The following NASP variants were observed in gnomAD, a reference collection of about 807,000 sequenced individuals.
The protein encoded by NASP is nuclear autoantigenic sperm protein.
NASP carries 24 observed loss-of-function variants against 89.5 expected under a neutral mutation model. The ratio of observed to expected loss-of-function variants is 0.27; its 90% CI spans 0.19 to 0.38. The LOEUF is 0.38. Ranked by LOEUF, NASP falls within the 10% of genes least tolerant of loss-of-function variation. The pLI is 1.00. For synonymous variants in NASP, 306 were observed against 324.7 expected (o/e 0.94, Z 0.62); for missense variants, 848 against 921.4 (o/e 0.92, Z 1.03).
rs370458333 is a variant in NASP, at chr1:45,607,316, T to C, written c.410-5T>C. The C allele has an allele frequency of 1.9e-6, 3 of 1,613,134 alleles. No homozygotes were observed. The highest frequency in any genetic ancestry group is 1.7e-6 in the Non-Finnish European group (2 of 1,179,632). The stretch of plus-strand genomic sequence containing the variant: ...GTTTATGCTTCATGTTCTTTAACCA[T>C]GTAGAGGAAGCAAGGGAAGAGTTGA... On this transcript the variant is annotated splice_polypyrimidine_tract_variant and splice_region_variant and intron_variant, in intron 5 of 14. Coordinates refer to ENST00000350030, the MANE Select transcript of NASP (RefSeq NM_002482.4).
chr1:45,586,298 T>TGTGTGTGTGTGTGTGTGTGTGTG (rs1644547744), intron 1 of NASP, among the ~76,000 whole-genome samples: 5 of 96,672 alleles, frequency 5.2e-5, no homozygotes, highest in East Asian at 2.9e-4. Context: ...TGTGTGTGTG[T>TGTGTGTGTGTGTGTGTGTGTGTG]GTGTGTGTGT....
At chr1:45,590,201 T>TAGTTCACCCTCTTTTCTATTTGTCTA (rs1643497704) in intron 1 of NASP, among the ~76,000 whole-genome samples, 2 of 152,120 alleles carry the variant, frequency 1.3e-5, no homozygotes, top group Non-Finnish European at 2.9e-5. Context: ...AGTACTGCCT[T>TAGTTCACCCTCTTTTCTATTTGTCTA]AGTTCACCCT....
Position 45,608,057 on chromosome 1 carries a change from A to G in NASP, c.1146A>G (p.Gly382=). 1 of 1,614,004 alleles carries G rather than the reference A, an allele frequency of 6.2e-7. No homozygotes were observed. Among genetic ancestry groups the G allele is most frequent in the Non-Finnish European group, 8.5e-7 (1 of 1,179,896 alleles). ...PVLPKDGAVN[G]PSVVGDQTPI... The stretch of plus-strand genomic sequence containing the variant: ...TCCCTAAGGATGGTGCAGTCAATGG[A>G]CCGTCAGTTGTAGGAGATCAGACTC... The change falls in exon 6 of 15, where the codon GGA becomes GGG. Residue 382 remains glycine, a synonymous_variant. Coordinates refer to ENST00000350030, the MANE Select transcript of NASP (RefSeq NM_002482.4).
chr1:45,593,879 A>AT (rs1643618808), intron 2 of NASP, among the ~76,000 whole-genome samples: 1 of 151,146 alleles, frequency 6.6e-6, no homozygotes, highest in African/African-American at 2.4e-5. Flanking sequence ...TTTTTTTTTA[A>AT]TTAACTGTTC....
chr1:45,588,847 G>T (rs2148328569), intron 1 of NASP: 1 of 246,472 alleles, frequency 4.1e-6, no homozygotes, highest in East Asian at 1.5e-4. Flanking sequence ...AACCCGGGAG[G>T]CGGAGCTTGC....
intron 3 of NASP, among the ~76,000 whole-genome samples, chr1:45,602,987 C>T (rs1643871217): frequency 1.3e-5 from 2 of 152,134 alleles, no homozygotes; most frequent in Admixed American, 1.3e-4. Context: ...TCTTTAGGTC[C>T]AAGCAAGTCA....
intron 2 of NASP, among the ~76,000 whole-genome samples, chr1:45,601,356 A>G (rs189043841): frequency 8.5e-5 from 13 of 152,334 alleles, no homozygotes; most frequent in African/African-American, 3.1e-4. Flanking sequence ...TGTATGAGAT[A>G]TGAGATAACA....
At position 45,615,382 on chromosome 1, in the gene NASP, C is replaced by T. The variant is rs369467604; in HGVS notation, c.1933C>T (p.Leu645=). Residue 645 remains leucine, a synonymous_variant, in exon 11 of 15, where the codon CTG becomes TTG. Coordinates refer to ENST00000350030, the MANE Select transcript of NASP (RefSeq NM_002482.4). ...GAAAGAAATTGAGGAACTAAAGGAA[C>T]TGCTACCCGAAATTAGAGAGAAGAT... ...YKKEIEELKE[L]LPEIREKIED... 1.2e-4 allele frequency: 201 copies of T among 1,614,092 alleles called. No homozygotes were observed. The highest frequency in any genetic ancestry group is 6.7e-5 in the Non-Finnish European group (79 of 1,180,032).
chr1:45,588,374 G>A (rs1570946115), intron 1 of NASP, among the ~76,000 whole-genome samples: 1 of 152,196 alleles, frequency 6.6e-6, no homozygotes, highest in East Asian at 2.0e-4. Flanking sequence ...AAAGTTCTGG[G>A]ATTATAGGCG....
chr1:45,608,494 TAGTC>T, intron 6 of NASP, 157 bp downstream of exon 6: 1 of 721,508 alleles, frequency 1.4e-6, no homozygotes, highest in South Asian at 1.9e-5. Flanking sequence ...AAGGTCGTGA[TAGTC>T]AAGTAAGTTC....
intron 3 of NASP, among the ~76,000 whole-genome samples, chr1:45,603,605 A>ATTTTTT (rs10646791): frequency 1.7e-5 from 2 of 119,026 alleles, no homozygotes; most frequent in African/African-American, 3.3e-5. Flanking sequence ...GTATTTAGAG[A>ATTTTTT]TTTTTTTTTT....
chr1:45,585,229 C>G (rs139729088), intron 1 of NASP, among the ~76,000 whole-genome samples: 3 of 152,292 alleles, frequency 2.0e-5, no homozygotes, highest in African/African-American at 7.2e-5. Context: ...ATTTCCCAAT[C>G]TTGCCATATT....
chr1:45,618,289 T>A lies in NASP; in HGVS notation c.*148T>A. 1.5e-6 allele frequency: 1 copy of A among 652,640 alleles called. No homozygotes were observed. Among genetic ancestry groups the A allele is most frequent in the Non-Finnish European group, 2.6e-6 (1 of 382,716 alleles). 40.4% of individuals were successfully genotyped at this position (652,640 alleles called of 1,614,324 possible). A position where few individuals can be genotyped will look rare whatever the true frequency, so the allele number is the denominator to read the frequency against. On this transcript the variant is annotated 3_prime_UTR_variant, in exon 15 of 15. Transcript: ENST00000350030. Reference sequence around the variant, plus strand: ...GTTTTTTTCTTAATTATTGGCTGAATCTGCCTTGGAGCACTGCTGGTTTTA... The same window carrying A: ...GTTTTTTTCTTAATTATTGGCTGAAACTGCCTTGGAGCACTGCTGGTTTTA...
At chr1:45,604,280 T>TA (rs1420636549) in intron 3 of NASP, among the ~76,000 whole-genome samples, 1 of 152,216 alleles carries the variant, frequency 6.6e-6, no homozygotes, top group African/African-American at 2.4e-5. Flanking sequence ...TCATTATACT[T>TA]ACGTAATTTT....
Position 45,604,847 on chromosome 1 carries a change from G to A in NASP, c.219-89G>A, listed in dbSNP as rs1205131686. 2.9e-6 allele frequency: 3 copies of A among 1,017,506 alleles called. No homozygotes were observed. The East Asian group carries it at 7.3e-5, about 25-fold the overall frequency. 63.0% of individuals were successfully genotyped at this position (1,017,506 alleles called of 1,614,324 possible). On this transcript the variant is annotated intron_variant, in intron 3 of 14. Transcript: ENST00000350030. ...TTGGTTTTCTAGGAGTATGTTACTG[G>A]AGAAATATCAATTTATAACTGAAGA...
At chr1:45,611,122 T>C (rs1644001532) in intron 6 of NASP, 1 of 152,224 alleles carries the variant, frequency 6.6e-6, no homozygotes, top group African/African-American at 2.4e-5. Flanking sequence ...GCCCATCCTC[T>C]AGCAGAATAT....
chr1:45,604,247 A>T (rs1316424807), intron 3 of NASP, among the ~76,000 whole-genome samples: 1 of 152,224 alleles, frequency 6.6e-6, no homozygotes, highest in Non-Finnish European at 1.5e-5. Flanking sequence ...TACCTTACAT[A>T]GAGAAGTACT....
At position 45,586,271 on chromosome 1, in the gene NASP, T is replaced by TG. The variant is rs1425891878; in HGVS notation, c.59+2067dup. On this transcript the variant is annotated intron_variant, in intron 1 of 14. Coordinates refer to ENST00000350030, the MANE Select transcript of NASP (RefSeq NM_002482.4). ...GTGTGTGTGTGTGTGTGTGTGTGTG[T>TG]GTGTGTGTGTGTGGTGTGTGTGTGT... Among the ~76,000 whole-genome samples, 25 of 65,554 alleles carry TG rather than the reference T, an allele frequency of 3.8e-4. No individual in the cohort carries two copies. In the Middle Eastern group the frequency reaches 0.056, roughly 148 times the overall value. The allele number at this position is 65,554 out of a possible 152,430, so 43.0% of individuals were successfully genotyped here. A position where few individuals can be genotyped will look rare whatever the true frequency, so the allele number is the denominator to read the frequency against.
In NASP at chr1:45,618,108, G is replaced by A. The variant is rs1271689132; in HGVS notation, c.2334G>A (p.Glu778=). 1.2e-6 allele frequency: 2 copies of A among 1,602,020 alleles called. No individual in the cohort carries two copies. Among genetic ancestry groups the A allele is most frequent in the Non-Finnish European group, 1.7e-6 (2 of 1,174,178 alleles). The stretch of plus-strand genomic sequence containing the variant: ...GGGCAGCAGTGGAGGGGACAGTGGA[G>A]GCTGGAGCTACAGTTGAAAGCACTG... ...ESRAAVEGTV[E]AGATVESTAC Residue 778 remains glutamate (E), a synonymous_variant, in exon 15 of 15, where the codon GAG becomes GAA. Transcript: ENST00000350030.
Sources: gnomAD v4.1 joint callset for allele counts (sites outside exome capture counted in the v4.1 genomes callset) on GRCh38, gnomAD v4.1.1 for gene constraint, MANE v1.5 for transcripts, NCBI Gene and HGNC (gene_info 2026-07-23, HGNC 2026-07-21) for gene names.